The following ADGRL3 variants were observed in gnomAD, a reference collection of about 807,000 sequenced individuals.
ADGRL3 encodes the protein adhesion G protein-coupled receptor L3.
A neutral mutation model predicts 153.5 loss-of-function variants in ADGRL3; 62 were observed. The ratio of observed to expected loss-of-function variants is 0.40; its 90% confidence interval spans 0.33 to 0.50. The LOEUF is 0.50. Among genes scored for constraint, ADGRL3 ranks in the 20% least tolerant of loss-of-function variants. The pLI, the probability that ADGRL3 is intolerant of heterozygous loss-of-function variation, is 0.47. For missense variants in ADGRL3, 1,641 were observed against 1,859.4 expected (o/e 0.88, Z 2.16); for synonymous variants, 710 against 672.5 (o/e 1.06, Z -0.86).
At chr4:61,813,600 A>T (rs527836999) in intron 8 of ADGRL3, among the ~76,000 whole-genome samples, 1 of 152,310 alleles carries the variant, frequency 6.6e-6, no homozygotes, top group South Asian at 2.1e-4. Context: ...AAAAAAGAAG[A>T]AACATAACTC....
chr4:61,847,963 T>TTA (rs1197186113), intron 9 of ADGRL3, among the ~76,000 whole-genome samples: 2 of 12,698 alleles, frequency 1.6e-4, no homozygotes, highest in African/African-American at 4.8e-4. Context: ...ATAAAATATA[T>TTA]TATATATATA....
At chr4:61,449,651 T>A (rs1227537843) in intron 2 of ADGRL3, among the ~76,000 whole-genome samples, 1 of 152,156 alleles carries the variant, frequency 6.6e-6, no homozygotes, top group Non-Finnish European at 1.5e-5. Flanking sequence ...TCATATATAA[T>A]ATTCTCTAAC....
At chr4:61,341,845 T>A (rs942232002) in intron 1 of ADGRL3, among the ~76,000 whole-genome samples, 1 of 152,058 alleles carries the variant, frequency 6.6e-6, no homozygotes, top group Non-Finnish European at 1.5e-5. Context: ...TGCACTCGTG[T>A]TTGGTGGAGA....
chr4:61,632,453 CTCTT>C, intron 5 of ADGRL3, among the ~76,000 whole-genome samples: 1 of 152,170 alleles, frequency 6.6e-6, no homozygotes, highest in South Asian at 2.1e-4. Flanking sequence ...CTCTTTCTTG[CTCTT>C]TCTACTTTCA....
At chr4:61,303,459 GT>G (rs879802150) in intron 1 of ADGRL3, among the ~76,000 whole-genome samples, 196 of 147,428 alleles carry the variant, frequency 1.3e-3, no homozygotes, top group Non-Finnish European at 1.7e-3. Flanking sequence ...GATTTGCCAG[GT>G]TTTTTTTTTT....
In ADGRL3 at chr4:62,055,163, C is replaced by A. The variant is rs1263545327; in HGVS notation, c.3814+10614C>A. Among the ~76,000 whole-genome samples the A allele has an allele frequency of 1.3e-5, 2 of 151,822 alleles. 1 individual carries two copies. Among genetic ancestry groups the A allele is most frequent in the South Asian group, 4.2e-4 (2 of 4,818 alleles). ...TCTGGACAAGAAGACACATATGTAG[C>A]CAATTAATACAAAATAAGAGCAATT... On this transcript the variant is annotated intron_variant, in intron 25 of 26. Transcript: ENST00000683033.
At chr4:61,508,349 G>T (rs1284673956) in intron 3 of ADGRL3, among the ~76,000 whole-genome samples, 2 of 152,096 alleles carry the variant, frequency 1.3e-5, no homozygotes, top group African/African-American at 2.4e-5. Flanking sequence ...TTAACAAAAT[G>T]AAATGTTTCC....
intron 5 of ADGRL3, among the ~76,000 whole-genome samples, chr4:61,602,821 T>C (rs2099017255): frequency 6.6e-6 from 1 of 152,158 alleles, no homozygotes; most frequent in Non-Finnish European, 1.5e-5. Context: ...CCAAGTATAA[T>C]ACTGTATAAT....
intron 5 of ADGRL3, among the ~76,000 whole-genome samples, chr4:61,644,651 T>G (rs1021305141): frequency 3.3e-5 from 5 of 152,264 alleles, no homozygotes; most frequent in South Asian, 2.1e-4. Flanking sequence ...GTCTCAGAGA[T>G]AGTTTGTTAT....
At chr4:61,824,232 CA>C in intron 9 of ADGRL3, among the ~76,000 whole-genome samples, 1 of 152,088 alleles carries the variant, frequency 6.6e-6, no homozygotes, top group Non-Finnish European at 1.5e-5. Context: ...CACCAAGTGA[CA>C]AATAATTTTT....
chr4:62,036,569 A>C (rs1725125921), intron 23 of ADGRL3, among the ~76,000 whole-genome samples: 1 of 152,104 alleles, frequency 6.6e-6, no homozygotes, highest in Non-Finnish European at 1.5e-5. Context: ...AAATGTTCCC[A>C]TTTGGAATAC....
chr4:61,732,802 T>G lies in ADGRL3; in HGVS notation c.647T>G (p.Leu216Trp). 1.9e-6 allele frequency: 3 copies of G among 1,601,154 alleles called. No individual in the cohort carries two copies. Among genetic ancestry groups the G allele is most frequent in the Non-Finnish European group, 2.6e-6 (3 of 1,173,614 alleles). ...LLKGVYQSEH[L>W]FESDHQSGAW... ...AAAGGAGTATACCAGAGTGAACATTTGTTTGAGTCCGACCACCAATCTGGG... is the reference window on the plus strand; with the variant it reads ...AAAGGAGTATACCAGAGTGAACATTGGTTTGAGTCCGACCACCAATCTGGG... Residue 216 changes from leucine (L) to tryptophan (W), a missense_variant, in exon 8 of 27, where the codon TTG (leucine) becomes TGG (tryptophan). This residue lies in a region of ADGRL3 where 213 missense variants were observed against 362.1 expected (regional missense o/e 0.59). Coordinates refer to ENST00000683033, the MANE Select transcript of ADGRL3 (RefSeq NM_001387552.1).
intron 25 of ADGRL3, among the ~76,000 whole-genome samples, chr4:62,054,488 AG>A (rs1389536970): frequency 1.3e-5 from 2 of 151,702 alleles, no homozygotes; most frequent in Non-Finnish European, 3.0e-5. Flanking sequence ...TAATGACAGT[AG>A]TTTTCTCATT....
chr4:61,873,907 A>G (rs1027520462), intron 9 of ADGRL3, among the ~76,000 whole-genome samples: 5 of 152,010 alleles, frequency 3.3e-5, no homozygotes, highest in Non-Finnish European at 5.9e-5. Context: ...TTTACACCCA[A>G]ACTCACACAA....
intron 1 of ADGRL3, among the ~76,000 whole-genome samples, chr4:61,333,366 T>C (rs115749633): frequency 7.9e-4 from 121 of 152,240 alleles, no homozygotes; most frequent in African/African-American, 2.9e-3. Context: ...GTGTTCTGTT[T>C]TTCAGTGTAT....
intron 8 of ADGRL3, among the ~76,000 whole-genome samples, chr4:61,773,644 C>G (rs2097111457): frequency 6.6e-6 from 1 of 152,116 alleles, no homozygotes; most frequent in Non-Finnish European, 1.5e-5. Flanking sequence ...TTTTATACCA[C>G]TGTAGGCAAG....
At chr4:61,287,204 T>C (rs1262612833) in intron 1 of ADGRL3, among the ~76,000 whole-genome samples, 66 of 151,930 alleles carry the variant, frequency 4.3e-4, no homozygotes, top group Admixed American at 4.3e-3. Flanking sequence ...CATAGAAGGA[T>C]ACTGCAGTGA....
At chr4:61,539,569 G>T (rs2098678316) in intron 4 of ADGRL3, among the ~76,000 whole-genome samples, 1 of 152,122 alleles carries the variant, frequency 6.6e-6, no homozygotes, top group Non-Finnish European at 1.5e-5. Context: ...GAAAGGCTTA[G>T]ATTTCTAGGG....
At chr4:62,052,681 T>G (rs1461849226) in intron 25 of ADGRL3, among the ~76,000 whole-genome samples, 2 of 151,274 alleles carry the variant, frequency 1.3e-5, no homozygotes. Flanking sequence ...AATTTAAAAT[T>G]TTTATATTTC....
Sources: allele counts gnomAD v4.1 joint callset (sites outside exome capture counted in the v4.1 genomes callset), GRCh38; gene constraint gnomAD v4.1.1; regional missense constraint gnomAD v4.1.1; transcripts MANE v1.5; gene names NCBI Gene and HGNC (gene_info 2026-07-23, HGNC 2026-07-21).